GUCA1C: variants seen among roughly 807,000 people sequenced by gnomAD.
The protein encoded by GUCA1C is guanylyl cyclase-activating protein 3.
GUCA1C carries 15 observed loss-of-function variants against 16.2 expected under a neutral mutation model. The ratio of observed to expected loss-of-function variants is 0.93; its 90% CI spans 0.62 to 1.43. GUCA1C has a LOEUF of 1.43. Among genes scored for constraint, GUCA1C ranks in the 40% most tolerant of loss-of-function variants. GUCA1C has a pLI of 0.00. For synonymous variants in GUCA1C, 78 were observed against 85.4 expected, an observed-to-expected ratio of 0.91 and a Z score of 0.48; for missense variants, 275 against 244.8, an observed-to-expected ratio of 1.12 and a Z score of -0.82.
upstream of GUCA1C, among the ~76,000 whole-genome samples, chr3:108,954,937 C>T (rs563469329): frequency 1.8e-4 from 27 of 152,110 alleles, no homozygotes; most frequent in South Asian, 6.2e-4. Context: ...GGGGTTTCAC[C>T]GTGTTAGCCA....
chr3:108,921,909 G>A (rs1946572349), intron 1 of GUCA1C, among the ~76,000 whole-genome samples: 1 of 152,038 alleles, frequency 6.6e-6, no homozygotes, highest in Non-Finnish European at 1.5e-5. Context: ...TGTACCCAAT[G>A]TGTAGTCTTT....
rs1282427958 is a variant in GUCA1C, at chr3:108,917,839, T to C, written c.355-1625A>G. 2.0e-5 allele frequency among the ~76,000 whole-genome samples: 3 copies of C among 151,740 alleles called. No individual in the cohort carries two copies. The East Asian group carries it at 5.8e-4, about 29-fold the overall frequency. On this transcript the variant is annotated intron_variant, in intron 2 of 3. Coordinates refer to ENST00000261047, the MANE Select transcript of GUCA1C (RefSeq NM_005459.4). ...GGTGGGCGGATCACGAGGTCAGGAGTTCATAGACCAGCCTGGCCAATATGG... is the reference window on the plus strand; with the variant it reads ...GGTGGGCGGATCACGAGGTCAGGAGCTCATAGACCAGCCTGGCCAATATGG...
At chr3:108,926,832 T>C (rs1307312919) in intron 1 of GUCA1C, among the ~76,000 whole-genome samples, 3 of 151,908 alleles carry the variant, frequency 2.0e-5, no homozygotes, top group South Asian at 4.1e-4. Flanking sequence ...TCCTGTGAGA[T>C]TTATGCTTTA....
At chr3:108,945,571 G>A (rs1946836094) in intron 1 of GUCA1C, among the ~76,000 whole-genome samples, 1 of 152,158 alleles carries the variant, frequency 6.6e-6, no homozygotes, top group African/African-American at 2.4e-5. Context: ...CTTTCCCAGA[G>A]ACAGATCTTA....
At chr3:108,951,905 T>C (rs1415167488) in intron 1 of GUCA1C, among the ~76,000 whole-genome samples, 2 of 152,222 alleles carry the variant, frequency 1.3e-5, no homozygotes, top group African/African-American at 4.8e-5. Flanking sequence ...TGACAGCAGA[T>C]CCTTGCTTCC....
intron 1 of GUCA1C, among the ~76,000 whole-genome samples, chr3:108,950,995 G>T (rs1041237791): frequency 1.3e-5 from 2 of 152,066 alleles, no homozygotes; most frequent in African/African-American, 4.8e-5. Context: ...AGCACTTTGA[G>T]GAGGTAGAAA....
intron 1 of GUCA1C, among the ~76,000 whole-genome samples, chr3:108,933,915 G>T (rs906171767): frequency 6.6e-6 from 1 of 152,126 alleles, no homozygotes; most frequent in Non-Finnish European, 1.5e-5. Context: ...CAATAGCAAA[G>T]ACTTGGAACC....
chr3:108,919,165 G>C (rs1217990339), intron 2 of GUCA1C, among the ~76,000 whole-genome samples: 1 of 151,952 alleles, frequency 6.6e-6, no homozygotes, highest in Non-Finnish European at 1.5e-5. Flanking sequence ...GAGACGAATG[G>C]TATCTAATTA....
intron 1 of GUCA1C, among the ~76,000 whole-genome samples, chr3:108,942,678 C>A (rs1481923328): frequency 2.0e-5 from 3 of 152,284 alleles, no homozygotes; most frequent in East Asian, 1.9e-4. Context: ...CCATTTGGAA[C>A]CTTGGAACCA....
chr3:108,946,187 T>C (rs1039606592), intron 1 of GUCA1C, among the ~76,000 whole-genome samples: 2 of 152,196 alleles, frequency 1.3e-5, no homozygotes, highest in African/African-American at 4.8e-5. Context: ...AGTGCAATGG[T>C]GCAATCACTG....
chr3:108,940,499 C>T lies in GUCA1C; in HGVS notation c.204+13060G>A, dbSNP rs74910107. On this transcript the variant is annotated intron_variant, in intron 1 of 3. Transcript: ENST00000261047. ...GCATGAGTCCTGGGTTATAGTAAGA[C>T]GATAGTCAAAATACTAAGATGATTC... Among the ~76,000 whole-genome samples the T allele has an allele frequency of 7.5e-3, 1,145 of 152,216 alleles. 15 individuals are homozygous for T. The highest frequency in any genetic ancestry group is 0.026 in the African/African-American group (1,068 of 41,520).
At chr3:108,938,099 T>C (rs1398314207) in intron 1 of GUCA1C, among the ~76,000 whole-genome samples, 1 of 152,146 alleles carries the variant, frequency 6.6e-6, no homozygotes, top group African/African-American at 2.4e-5. Flanking sequence ...AAATTGTTGT[T>C]ATTACAGCAA....
chr3:108,938,758 A>T (rs1946754708), intron 1 of GUCA1C, among the ~76,000 whole-genome samples: 1 of 152,242 alleles, frequency 6.6e-6, no homozygotes, highest in Non-Finnish European at 1.5e-5. Flanking sequence ...ATCTTTATGC[A>T]GATCTGAGAT....
rs12107458 is a variant in GUCA1C, at chr3:108,908,359, A to C, written c.443-150T>G. On this transcript the variant is annotated intron_variant, in intron 3 of 3. Coordinates refer to ENST00000261047, the MANE Select transcript of GUCA1C (RefSeq NM_005459.4). ...TCTTTGAAGATCTTCATTTAAACAAAAAAAAAAAAAAAAAGCATTCACTGG... is the reference window on the plus strand; with the variant it reads ...TCTTTGAAGATCTTCATTTAAACAACAAAAAAAAAAAAAAGCATTCACTGG... 0.019 allele frequency: 6,195 copies of C among 332,976 alleles called. 317 individuals are homozygous for C. The highest frequency in any genetic ancestry group is 0.11 in the African/African-American group (5,272 of 47,980). 20.6% of individuals were successfully genotyped at this position (332,976 alleles called of 1,614,324 possible).
chr3:108,927,998 C>A (rs899517485), intron 1 of GUCA1C, among the ~76,000 whole-genome samples: 1 of 152,222 alleles, frequency 6.6e-6, no homozygotes, highest in Non-Finnish European at 1.5e-5. Context: ...TGGGTCTAGT[C>A]ACCTAGCGGA....
intron 1 of GUCA1C, among the ~76,000 whole-genome samples, chr3:108,925,247 T>C (rs1946612849): frequency 6.6e-6 from 1 of 152,220 alleles, no homozygotes; most frequent in Non-Finnish European, 1.5e-5. Flanking sequence ...GACTTTTTGA[T>C]GTAGGCATTT....
chr3:108,925,988 G>A (rs1427233681), intron 1 of GUCA1C, among the ~76,000 whole-genome samples: 6 of 152,122 alleles, frequency 3.9e-5, no homozygotes, highest in Non-Finnish European at 7.4e-5. Flanking sequence ...ACGGGAGGCT[G>A]AGGCAGGAGA....
intron 1 of GUCA1C, among the ~76,000 whole-genome samples, chr3:108,934,808 C>CTTTTTTTTTTTTTTTTTTTTTT (rs71629371): frequency 1.2e-5 from 1 of 86,110 alleles, no homozygotes; most frequent in African/African-American, 4.8e-5. Context: ...TGTTCTTGAT[C>CTTTTTTTTTTTTTTTTTTTTTT]TTTTTTTTTT....
intron 1 of GUCA1C, among the ~76,000 whole-genome samples, chr3:108,935,694 TCAAAAAAAA>T (rs930010848): frequency 3.2e-4 from 49 of 152,008 alleles, no homozygotes; most frequent in African/African-American, 1.2e-3. Flanking sequence ...AGACTCCGTC[TCAAAAAAAA>T]CAAAAACAAC....
Sources: gnomAD v4.1 joint callset for allele counts (sites outside exome capture counted in the v4.1 genomes callset) on GRCh38, gnomAD v4.1.1 for gene constraint, MANE v1.5 for transcripts, NCBI Gene and HGNC (gene_info 2026-07-23, HGNC 2026-07-21) for gene names.